Variants in PPFIBP2 observed in about 807,000 individuals in gnomAD.
The protein encoded by PPFIBP2 is liprin-beta-2.
In PPFIBP2, 118 loss-of-function variants were observed where a neutral mutation model predicts 118.3. That is an observed-to-expected ratio of 1.00 (90% CI 0.86 to 1.16). The LOEUF (loss-of-function observed/expected upper bound fraction) is 1.16. PPFIBP2 is among the 50% of genes most tolerant of loss of function. The pLI is 0.00. For missense variants in PPFIBP2, 1,195 were observed against 1,073.1 expected (o/e 1.11, Z -1.59); for synonymous variants, 414 against 397.4 (o/e 1.04, Z -0.50).
chr11:7,557,496 T>C (rs1482437057), intron 2 of PPFIBP2, among the ~76,000 whole-genome samples: 3 of 148,618 alleles, frequency 2.0e-5, no homozygotes, highest in Non-Finnish European at 4.5e-5. Flanking sequence ...GCACTTTTTT[T>C]TTTTTTTTTT....
chr11:7,613,446 T>C (rs1848294821), intron 6 of PPFIBP2, among the ~76,000 whole-genome samples: 1 of 152,194 alleles, frequency 6.6e-6, no homozygotes, highest in South Asian at 2.1e-4. Context: ...GAGTGAGTAG[T>C]GGCCCAGATG....
At chr11:7,568,306 A>G (rs1173616426) in intron 3 of PPFIBP2, among the ~76,000 whole-genome samples, 1 of 152,200 alleles carries the variant, frequency 6.6e-6, no homozygotes, top group Non-Finnish European at 1.5e-5. Context: ...GGTTCTTCCC[A>G]TCTTTTTTCT....
chr11:7,603,412 A>G (rs551598933), intron 5 of PPFIBP2, among the ~76,000 whole-genome samples: 1 of 152,372 alleles, frequency 6.6e-6, no homozygotes, highest in African/African-American at 2.4e-5. Context: ...TTCTCTGCAC[A>G]GTGTTACTCA....
chr11:7,599,895 T>G lies in PPFIBP2; in HGVS notation c.486+2222T>G, dbSNP rs1209658925. ...TCCTGACCTCATGATCCACCCGCCT[T>G]GGCCTCCCAAAGTGCTGGGATTACA... On this transcript the variant is annotated intron_variant, in intron 5 of 23. Transcript: ENST00000299492. 2.6e-5 allele frequency among the ~76,000 whole-genome samples: 4 copies of G among 151,456 alleles called. No individual in the cohort carries two copies. The East Asian group carries it at 7.8e-4, about 29-fold the overall frequency.
intron 1 of PPFIBP2, among the ~76,000 whole-genome samples, chr11:7,531,783 G>T (rs1465650326): frequency 6.6e-6 from 1 of 152,056 alleles, no homozygotes; most frequent in Non-Finnish European, 1.5e-5. Flanking sequence ...CAGGGTGTTG[G>T]CAGGGTTGGT....
At chr11:7,641,108 T>C (rs1329044894) in intron 15 of PPFIBP2, 13 of 1,234,682 alleles carry the variant, frequency 1.1e-5, no homozygotes, top group Admixed American at 2.3e-5. Context: ...GAGAATGCCT[T>C]TGTTTCCCTA....
downstream of PPFIBP2, among the ~76,000 whole-genome samples, chr11:7,660,509 G>C (rs1854867296): frequency 6.7e-6 from 1 of 148,822 alleles, no homozygotes; most frequent in African/African-American, 2.5e-5. Context: ...ACTTGATCAT[G>C]GTGAATAAGC....
chr11:7,666,588 C>CTTTTT, the PPFIBP2 span: 1 of 1,476,024 alleles, frequency 6.8e-7, no homozygotes, highest in Non-Finnish European at 9.5e-7. Flanking sequence ...CCCTCCAGGG[C>CTTTTT]CATCCTCTTG....
intron 16 of PPFIBP2, chr11:7,641,899 T>C (rs966447921): frequency 2.1e-5 from 10 of 469,158 alleles, no homozygotes; most frequent in East Asian, 1.5e-4. Flanking sequence ...TTATATTACA[T>C]TGGATCTGGC....
At chr11:7,660,677 G>A (rs1342579116), downstream of PPFIBP2, among the ~76,000 whole-genome samples, 1 of 151,232 alleles carries the variant, frequency 6.6e-6, no homozygotes, top group African/African-American at 2.4e-5. Flanking sequence ...GAGTTAGGGA[G>A]GATTCCCTCT....
rs1176673875 is a variant in PPFIBP2 at position 7,616,619 on chromosome 11, G to A, written c.619-4316G>A. On this transcript the variant is annotated intron_variant, in intron 6 of 23. Coordinates refer to ENST00000299492, the MANE Select transcript of PPFIBP2 (RefSeq NM_003621.5). This position sits in a 1 kb window ranked among gnomAD's most constrained non-coding sequence, Gnocchi z 5.2. ...ATGAATATACTGAAATAGGCATATT[G>A]ATGCCTGAGTTCAGGGTTTGGGTAC... is the stretch of plus-strand genomic sequence containing the variant. Among the ~76,000 whole-genome samples the A allele has an allele frequency of 6.6e-6, 1 of 152,190 alleles. No individual in the cohort carries two copies. Among genetic ancestry groups the A allele is most frequent in the Non-Finnish European group, 1.5e-5 (1 of 68,044 alleles).
chr11:7,516,056 G>T (rs1347384520), intron 1 of PPFIBP2, among the ~76,000 whole-genome samples: 1 of 152,190 alleles, frequency 6.6e-6, no homozygotes, highest in African/African-American at 2.4e-5. Flanking sequence ...TGCAAACCTG[G>T]CTATGCCTCA....
intron 17 of PPFIBP2, among the ~76,000 whole-genome samples, chr11:7,645,447 T>A (rs1420970911): frequency 1.3e-5 from 2 of 152,204 alleles, no homozygotes; most frequent in African/African-American, 4.8e-5. Flanking sequence ...CTCAGCTACA[T>A]CATTTGAACT....
intron 3 of PPFIBP2, among the ~76,000 whole-genome samples, chr11:7,572,782 T>C (rs1304343723): frequency 6.6e-6 from 1 of 152,152 alleles, no homozygotes; most frequent in East Asian, 1.9e-4. Context: ...TTTGTTTTGT[T>C]TTGTTTTGTT....
At chr11:7,539,861 C>CT (rs1851593309) in intron 1 of PPFIBP2, among the ~76,000 whole-genome samples, 1 of 152,218 alleles carries the variant, frequency 6.6e-6, no homozygotes, top group Non-Finnish European at 1.5e-5. Flanking sequence ...AATAGCTTGG[C>CT]TGTTGCTCAG....
intron 1 of PPFIBP2, 92 bp from the exon 2 acceptor site, chr11:7,549,348 G>T: frequency 1.8e-6 from 2 of 1,122,472 alleles, no homozygotes; most frequent in South Asian, 2.7e-5. Context: ...AAAACACGTT[G>T]TGTGATGATG....
At chr11:7,538,392 TAG>T (rs2134412166) in intron 1 of PPFIBP2, 1 of 152,764 alleles carries the variant, frequency 6.5e-6, no homozygotes, top group African/African-American at 2.4e-5. Flanking sequence ...TTGCCTTCTT[TAG>T]AGGACAGTGT....
intron 2 of PPFIBP2, among the ~76,000 whole-genome samples, chr11:7,560,093 T>G (rs1000972197): frequency 6.6e-6 from 1 of 152,228 alleles, no homozygotes; most frequent in Non-Finnish European, 1.5e-5. Context: ...AAATGATTGT[T>G]CTGTGAAAAT....
the PPFIBP2 span, chr11:7,665,267 T>G: frequency 1.0e-6 from 1 of 1,001,402 alleles, no homozygotes; most frequent in East Asian, 2.7e-5. Flanking sequence ...TGCGCGAAGG[T>G]ACATGGCAAG....
Sources: gnomAD v4.1 joint callset for allele counts (sites outside exome capture counted in the v4.1 genomes callset) on GRCh38, gnomAD v4.1.1 for gene constraint, Gnocchi (gnomAD v3.1) non-coding constraint, MANE v1.5 for transcripts, NCBI Gene and HGNC (gene_info 2026-07-23, HGNC 2026-07-21) for gene names.